The following RPN2 variants were observed in gnomAD, a reference collection of about 807,000 sequenced individuals.
RPN2 encodes ribophorin II.
In RPN2, 29 loss-of-function variants were observed where a neutral mutation model predicts 71.4. The ratio of observed to expected loss-of-function variants is 0.41; its 90% CI spans 0.30 to 0.55. The LOEUF is 0.55. Among genes scored for constraint, RPN2 ranks in the 20% least tolerant of loss-of-function variants. The pLI is 0.35. For synonymous variants in RPN2, 308 were observed against 305.0 expected, an observed-to-expected ratio of 1.01 and a Z score of -0.10; for missense variants, 726 against 774.1, an observed-to-expected ratio of 0.94 and a Z score of 0.74.
At chr20:37,229,792 T>G in intron 12 of RPN2, 181 bp from the exon 13 acceptor site, 1 of 653,418 alleles carries the variant, frequency 1.5e-6, no homozygotes, top group Non-Finnish European at 2.8e-6. Context: ...TTTCAGCAAA[T>G]ACTTGTTTTG....
At chr20:37,185,317 G>A (rs888572845) in intron 2 of RPN2, among the ~76,000 whole-genome samples, 4 of 151,756 alleles carry the variant, frequency 2.6e-5, no homozygotes, top group African/African-American at 4.8e-5. Flanking sequence ...GTATTTTTTC[G>A]TTAGAGATGG....
At chr20:37,236,426 A>G (rs1195778924) in intron 15 of RPN2, among the ~76,000 whole-genome samples, 154 bp from the exon 16 acceptor site, 1 of 152,228 alleles carries the variant, frequency 6.6e-6, no homozygotes, top group African/African-American at 2.4e-5. Flanking sequence ...ATATTGAGTT[A>G]GCTACTTTTT....
At chr20:37,216,693 C>T (rs1436070120) in intron 9 of RPN2, among the ~76,000 whole-genome samples, 1 of 152,038 alleles carries the variant, frequency 6.6e-6, no homozygotes, top group Non-Finnish European at 1.5e-5. Flanking sequence ...AACTTTTGGC[C>T]TCAAATGATC....
chr20:37,225,410 G>A (rs1363562986), intron 10 of RPN2, among the ~76,000 whole-genome samples: 1 of 152,198 alleles, frequency 6.6e-6, no homozygotes, highest in Non-Finnish European at 1.5e-5. Context: ...GGAGTTGAGA[G>A]CCTTAGGTCC....
rs757023486 is a variant in RPN2, at chr20:37,198,486, A to T, written c.297A>T (p.Gly99=). The T allele has an allele frequency of 1.2e-6, 2 of 1,614,006 alleles. No individual in the cohort carries two copies. Among genetic ancestry groups the T allele is most frequent in the South Asian group, 2.2e-5 (2 of 91,092 alleles). The change falls in exon 3 of 17, where the codon GGA becomes GGT. Residue 99 remains glycine, a synonymous_variant. Transcript: ENST00000237530. ...CCCAGGCCAGCCAGGCCCTCTCAGG[A>T]TGTGAGGTGAGTCCGGGTTCCTACG... ...YAAQASQALS[G]CEISISNETK...
intron 15 of RPN2, among the ~76,000 whole-genome samples, chr20:37,235,594 TC>T (rs1229600443): frequency 4.6e-5 from 7 of 152,132 alleles, no homozygotes; most frequent in African/African-American, 1.4e-4. Context: ...ACAGTTTGTT[TC>T]CCCCCATAAA....
At position 37,179,347 on chromosome 20, in the gene RPN2, G is replaced by T. The variant is rs1600717152; in HGVS notation, c.-10G>T. On this transcript the variant is annotated 5_prime_UTR_variant, in exon 1 of 17. Coordinates refer to ENST00000237530, the MANE Select transcript of RPN2 (RefSeq NM_002951.5). ...CGCGGCTCGGACTCCGGCGGGACCT[G>T]CTCGGAGGAATGGCGCCGCCGGGTG... is the stretch of plus-strand genomic sequence containing the variant. 2 of 1,133,804 alleles carry T rather than the reference G, an allele frequency of 1.8e-6. No individual in the cohort carries two copies. Among genetic ancestry groups the T allele is most frequent in the African/African-American group, 6.3e-5 (2 of 31,678 alleles). 70.2% of individuals were successfully genotyped at this position (1,133,804 alleles called of 1,614,324 possible).
At chr20:37,195,754 C>A (rs1045827668) in intron 2 of RPN2, among the ~76,000 whole-genome samples, 1 of 152,124 alleles carries the variant, frequency 6.6e-6, no homozygotes, top group African/African-American at 2.4e-5. Context: ...CACACATTTT[C>A]AGCTGCCTTG....
chr20:37,219,489 C>T lies in RPN2; in HGVS notation c.1093-4389C>T, dbSNP rs1444390259. 4.6e-4 allele frequency among the ~76,000 whole-genome samples: 70 copies of T among 151,988 alleles called. 1 individual carries two copies. Among genetic ancestry groups the T allele is most frequent in the Non-Finnish European group, 7.4e-5 (5 of 67,992 alleles). ...GGTTCCTTATTAAATACATGATTTG[C>T]AAATATTTTCTCACAGTCTGAAGGT... On this transcript the variant is annotated intron_variant, in intron 9 of 16. Coordinates refer to ENST00000237530, the MANE Select transcript of RPN2 (RefSeq NM_002951.5).
In RPN2 at chr20:37,201,251, G is replaced by A. The variant is rs540502502; in HGVS notation, c.479+2026G>A. ...TCTTAGAGAGTTTGTTACTTCCTTCGTTGTTGTTATTTGTATGTTAGGTCA... is the reference window on the plus strand; with the variant it reads ...TCTTAGAGAGTTTGTTACTTCCTTCATTGTTGTTATTTGTATGTTAGGTCA... On this transcript the variant is annotated intron_variant, in intron 4 of 16. Coordinates refer to ENST00000237530, the MANE Select transcript of RPN2 (RefSeq NM_002951.5). 3.0e-5 allele frequency among the ~76,000 whole-genome samples: 4 copies of A among 134,628 alleles called. No homozygotes were observed. In the East Asian group the frequency reaches 6.5e-4, roughly 22 times the overall value. The allele number at this position is 134,628 out of a possible 152,430, so 88.3% of individuals were successfully genotyped here.
At position 37,198,948 on chromosome 20, in the gene RPN2, C is replaced by A. The variant is rs1057061793; in HGVS notation, c.304-102C>A. 32 of 930,074 alleles carry A rather than the reference C, an allele frequency of 3.4e-5. No homozygotes were observed. In the Admixed American group the frequency reaches 5.5e-4, roughly 16 times the overall value. 57.6% of individuals were successfully genotyped at this position (930,074 alleles called of 1,614,324 possible). On this transcript the variant is annotated intron_variant, in intron 3 of 16. Coordinates refer to ENST00000237530, the MANE Select transcript of RPN2 (RefSeq NM_002951.5). ...TAGAGGGGGATGAGCATGTGCGAGG[C>A]GGAGGTGACTTTGGCAGCTGCTCCG...
chr20:37,195,557 AAG>A (rs1314145671), intron 2 of RPN2, among the ~76,000 whole-genome samples: 3 of 152,238 alleles, frequency 2.0e-5, no homozygotes, highest in African/African-American at 7.2e-5. Context: ...TTAAGGTGAT[AAG>A]AGTGCCTGAT....
intron 6 of RPN2, among the ~76,000 whole-genome samples, chr20:37,205,746 A>C (rs190671321): frequency 6.6e-6 from 1 of 152,322 alleles, no homozygotes; most frequent in African/African-American, 2.4e-5. Flanking sequence ...TCCTAAGTGT[A>C]GGAGGTCTAG....
At chr20:37,182,777 A>G (rs2146504295) in intron 1 of RPN2, among the ~76,000 whole-genome samples, 2 of 152,280 alleles carry the variant, frequency 1.3e-5, no homozygotes, top group African/African-American at 4.8e-5. Context: ...ATGTTAGCCT[A>G]GTGATTATTT....
rs775238433 is a variant in RPN2, at chr20:37,184,176, C to G, written c.14-4C>G. The G allele has an allele frequency of 1.9e-6, 3 of 1,613,998 alleles. No individual in the cohort carries two copies. Among genetic ancestry groups the G allele is most frequent in the African/African-American group, 1.3e-5 (1 of 74,908 alleles). On this transcript the variant is annotated splice_polypyrimidine_tract_variant and splice_region_variant and intron_variant, in intron 1 of 16. Coordinates refer to ENST00000237530, the MANE Select transcript of RPN2 (RefSeq NM_002951.5). The stretch of plus-strand genomic sequence containing the variant: ...AGTGTACTGAATGGTTGTTTCCCCC[C>G]AAGGTTCAAGCACTGTCTTCCTGTT...
intron 2 of RPN2, among the ~76,000 whole-genome samples, chr20:37,193,741 T>G (rs546909144): frequency 3.3e-5 from 5 of 152,248 alleles, no homozygotes; most frequent in African/African-American, 1.2e-4. Flanking sequence ...CAATGAGGTT[T>G]GTCTGGGAAA....
intron 7 of RPN2, among the ~76,000 whole-genome samples, chr20:37,208,575 G>A (rs1429497767): frequency 6.6e-6 from 1 of 152,102 alleles, no homozygotes; most frequent in Non-Finnish European, 1.5e-5. Context: ...TGGTGTTTAT[G>A]GTTGATCAGT....
rs139589912 is a variant in RPN2 at position 37,229,989 on chromosome 20, A to G, written c.1511A>G (p.Lys504Arg). 26 of 1,614,004 alleles carry G rather than the reference A, an allele frequency of 1.6e-5. No individual in the cohort carries two copies. Among genetic ancestry groups the G allele is most frequent in the Admixed American group, 6.7e-5 (4 of 60,012 alleles). The change falls in exon 13 of 17, where the codon AAG becomes AGG. Residue 504 changes from lysine (K) to arginine (R), a missense_variant. Coordinates refer to ENST00000237530, the MANE Select transcript of RPN2 (RefSeq NM_002951.5). ...TTTTTCTAGGCTGATGTGGTCATCAAGTTCCCTGAGGAAGAAGCTCCCTCG... is the reference window on the plus strand; with the variant it reads ...TTTTTCTAGGCTGATGTGGTCATCAGGTTCCCTGAGGAAGAAGCTCCCTCG... Reference protein sequence around the residue: ...ILWNVADVVIKFPEEEAPSTV... With the variant: ...ILWNVADVVIRFPEEEAPSTV...
chr20:37,181,679 A>G (rs1418210054), intron 1 of RPN2, among the ~76,000 whole-genome samples: 1 of 152,158 alleles, frequency 6.6e-6, no homozygotes, highest in African/African-American at 2.4e-5. Context: ...TTGGCCTCCC[A>G]AAGTGCTGGG....
Sources: gnomAD v4.1 joint callset for allele counts (sites outside exome capture counted in the v4.1 genomes callset) on GRCh38, gnomAD v4.1.1 for gene constraint, MANE v1.5 for transcripts, NCBI Gene and HGNC (gene_info 2026-07-23, HGNC 2026-07-21) for gene names.